CACNA2D4: variants seen among roughly 807,000 people sequenced by gnomAD.
The protein encoded by CACNA2D4 is calcium voltage-gated channel auxiliary subunit alpha2delta 4.
CACNA2D4 carries 157 observed loss-of-function variants against 163.8 expected under a neutral mutation model. The observed-to-expected ratio is 0.96, with a 90% CI of 0.84 to 1.09. The LOEUF is 1.09. Ranked by LOEUF, CACNA2D4 falls within the 50% of genes least tolerant of loss-of-function variation. The pLI, the probability that CACNA2D4 is intolerant of heterozygous loss-of-function variation, is 0.00. For synonymous variants in CACNA2D4, 598 were observed against 586.9 expected (o/e 1.02, Z -0.27); for missense variants, 1,410 against 1,479.9 (o/e 0.95, Z 0.78).
At chr12:1,877,100 T>C (rs1009343936) in intron 16 of CACNA2D4, among the ~76,000 whole-genome samples, 7 of 152,238 alleles carry the variant, frequency 4.6e-5, no homozygotes, top group Admixed American at 3.3e-4. Context: ...TATTCCCTAA[T>C]TGTTTCATTT....
intron 29 of CACNA2D4, 96 bp from the exon 30 acceptor site, chr12:1,801,740 G>C: frequency 1.2e-6 from 1 of 801,114 alleles, no homozygotes; most frequent in Non-Finnish European, 1.9e-6. Context: ...TCAGGTCGAG[G>C]CTTTTGGTGC....
intron 6 of CACNA2D4, among the ~76,000 whole-genome samples, chr12:1,895,555 C>T (rs1013245187): frequency 3.3e-5 from 5 of 152,240 alleles, no homozygotes; most frequent in African/African-American, 1.2e-4. Context: ...GACCCAAAGA[C>T]CAATGAAACA....
chr12:1,868,573 A>G (rs1865704238), intron 18 of CACNA2D4, among the ~76,000 whole-genome samples: 1 of 151,708 alleles, frequency 6.6e-6, no homozygotes, highest in Non-Finnish European at 1.5e-5. Flanking sequence ...AGTTCATTGT[A>G]TTGTATTGTA....
intron 26 of CACNA2D4, among the ~76,000 whole-genome samples, chr12:1,814,999 C>T (rs896231713): frequency 1.3e-5 from 2 of 152,248 alleles, no homozygotes; most frequent in Admixed American, 6.5e-5. Flanking sequence ...AAGTGATTCT[C>T]CTGCCTCGGC....
chr12:1,847,100 C>A lies in CACNA2D4; in HGVS notation c.2247-411G>T, dbSNP rs533458568. On this transcript the variant is annotated intron_variant, in intron 23 of 37. Transcript: ENST00000382722. ...TCCTGGTCTTACAGCCCTCCTCATACTTCCCTTCTTACCGAAACGTGAAGG... is the reference window on the plus strand; with the variant it reads ...TCCTGGTCTTACAGCCCTCCTCATAATTCCCTTCTTACCGAAACGTGAAGG... Among the ~76,000 whole-genome samples the A allele has an allele frequency of 2.0e-5, 3 of 152,352 alleles. No homozygotes were observed. The East Asian group carries it at 5.8e-4, about 29-fold the overall frequency.
chr12:1,901,791 A>G (rs1866543583), intron 6 of CACNA2D4, among the ~76,000 whole-genome samples: 1 of 152,104 alleles, frequency 6.6e-6, no homozygotes, highest in South Asian at 2.1e-4. Context: ...ACTGATACCA[A>G]TCCTACTCAA....
intron 26 of CACNA2D4, among the ~76,000 whole-genome samples, chr12:1,830,317 G>A (rs1292742821): frequency 6.6e-6 from 1 of 152,248 alleles, no homozygotes; most frequent in Non-Finnish European, 1.5e-5. Context: ...CATCATGGGT[G>A]TGGGATTGAT....
At position 1,799,863 on chromosome 12, in the gene CACNA2D4, G is replaced by A. The variant is rs1044280117; in HGVS notation, c.2974+137C>T. 3 of 1,253,442 alleles carry A rather than the reference G, an allele frequency of 2.4e-6. No homozygotes were observed. Among genetic ancestry groups the A allele is most frequent in the Admixed American group, 2.0e-5 (1 of 50,176 alleles). 77.6% of individuals were successfully genotyped at this position (1,253,442 alleles called of 1,614,324 possible). The stretch of plus-strand genomic sequence containing the variant: ...GAGGGATGTGATGAGAGAAGGCCAC[G>A]CAGGGTGAGATGTGAACAACGATGC... On this transcript the variant is annotated intron_variant, in intron 33 of 37. Coordinates refer to ENST00000382722, the MANE Select transcript of CACNA2D4 (RefSeq NM_172364.5). This position sits in a 1 kb window ranked among gnomAD's most constrained non-coding sequence, Gnocchi z 4.7.
chr12:1,861,122 CTTCT>C (rs942967950), intron 18 of CACNA2D4, among the ~76,000 whole-genome samples: 1 of 152,228 alleles, frequency 6.6e-6, no homozygotes, highest in African/African-American at 2.4e-5. Context: ...ATTCCCTTTA[CTTCT>C]TTCTGACTTT....
At chr12:1,915,111 G>T in intron 1 of CACNA2D4, 176 bp from the exon 2 acceptor site, 1 of 706,538 alleles carries the variant, frequency 1.4e-6, no homozygotes, top group Non-Finnish European at 2.6e-6. Context: ...GCACACACAC[G>T]TACACACACA....
At chr12:1,897,150 G>A (rs1866429046) in intron 6 of CACNA2D4, among the ~76,000 whole-genome samples, 1 of 152,080 alleles carries the variant, frequency 6.6e-6, no homozygotes, top group South Asian at 2.1e-4. Context: ...ACATGTTCTC[G>A]TTCATATGTG....
intron 26 of CACNA2D4, 194 bp from the exon 27 acceptor site, chr12:1,811,917 G>A (rs553410974): frequency 2.2e-5 from 13 of 588,538 alleles, no homozygotes; most frequent in East Asian, 1.5e-4. Context: ...GAACAGAGAC[G>A]GCAGCCTCTC....
intron 29 of CACNA2D4, among the ~76,000 whole-genome samples, chr12:1,807,744 C>G (rs539424602): frequency 6.6e-6 from 1 of 152,156 alleles, no homozygotes; most frequent in East Asian, 2.0e-4. Context: ...TAACCCGACA[C>G]AGTTCAGGCT....
chr12:1,840,097 A>G (rs1301154916), intron 26 of CACNA2D4, among the ~76,000 whole-genome samples: 1 of 152,186 alleles, frequency 6.6e-6, no homozygotes, highest in Non-Finnish European at 1.5e-5. Context: ...CTGGTTGAAC[A>G]GGTATGGGCT....
intron 23 of CACNA2D4, among the ~76,000 whole-genome samples, chr12:1,849,254 C>G (rs956712168): frequency 1.3e-5 from 2 of 152,208 alleles, no homozygotes; most frequent in Non-Finnish European, 2.9e-5. Context: ...ATTGATATTT[C>G]TAATTCAAAT....
intron 16 of CACNA2D4, among the ~76,000 whole-genome samples, chr12:1,876,995 CG>C (rs2154449356): frequency 6.6e-6 from 1 of 152,236 alleles, no homozygotes; most frequent in African/African-American, 2.4e-5. Context: ...CTTTTTCAAA[CG>C]TAACTATTGT....
chr12:1,809,737 A>G (rs1051685844), intron 29 of CACNA2D4, among the ~76,000 whole-genome samples: 1 of 152,222 alleles, frequency 6.6e-6, no homozygotes, highest in Non-Finnish European at 1.5e-5. Flanking sequence ...CAGGCGAGAA[A>G]GCATCGCGTC....
chr12:1,794,831 C>G (rs934365253), intron 37 of CACNA2D4, among the ~76,000 whole-genome samples: 1 of 152,130 alleles, frequency 6.6e-6, no homozygotes, highest in African/African-American at 2.4e-5. Context: ...AGTCTCCAGC[C>G]CCCTTCCTTT....
Position 1,844,255 on chromosome 12 carries a change from G to T in CACNA2D4, c.2470+147C>A. ...GAGCTTTTTTAAGTCACTAATGCAT[G>T]CAGGAGGGAAGGCAGGAGGGGAACC... is the stretch of plus-strand genomic sequence containing the variant. On this transcript the variant is annotated intron_variant, in intron 25 of 37. Transcript: ENST00000382722. The surrounding 1 kb of genome is among the most constrained non-coding windows in gnomAD (Gnocchi z 4.2). 2.2e-6 allele frequency: 2 copies of T among 904,896 alleles called. No individual in the cohort carries two copies. Among genetic ancestry groups the T allele is most frequent in the Non-Finnish European group, 1.6e-6 (1 of 610,430 alleles). The allele number at this position is 904,896 out of a possible 1,614,324, so 56.1% of individuals were successfully genotyped here.
Sources: gnomAD v4.1 joint callset for allele counts (sites outside exome capture counted in the v4.1 genomes callset) on GRCh38, gnomAD v4.1.1 for gene constraint, Gnocchi (gnomAD v3.1) non-coding constraint, MANE v1.5 for transcripts, NCBI Gene and HGNC (gene_info 2026-07-23, HGNC 2026-07-21) for gene names.